Variants in SEMA3E observed in about 807,000 individuals in gnomAD.
SEMA3E encodes the protein semaphorin 3E, also known as semaphorin-3E.
A neutral mutation model predicts 93.6 loss-of-function variants in SEMA3E; 49 were observed. The ratio of observed to expected loss-of-function variants is 0.52; its 90% confidence interval spans 0.42 to 0.66. The LOEUF (loss-of-function observed/expected upper bound fraction) is 0.66. SEMA3E is among the 30% of genes least tolerant of loss of function. The probability of loss-of-function intolerance (pLI) is 0.00; values close to 1 mark genes in which losing one functional copy is unlikely to be tolerated. For synonymous variants in SEMA3E, 363 were observed against 330.7 expected, an observed-to-expected ratio of 1.10 and a Z score of -1.06; for missense variants, 906 against 964.8, an observed-to-expected ratio of 0.94 and a Z score of 0.81.
At chr7:83,405,545 G>T in intron 8 of SEMA3E, 26 bp from the exon 9 acceptor site, 1 of 1,594,434 alleles carries the variant, frequency 6.3e-7, no homozygotes. Flanking sequence ...CCATTCCATC[G>T]CTTAGTATTT....
intron 1 of SEMA3E, among the ~76,000 whole-genome samples, chr7:83,625,825 T>C (rs1422777270): frequency 1.3e-5 from 2 of 152,142 alleles, no homozygotes; most frequent in African/African-American, 2.4e-5. Flanking sequence ...CCATCCATGA[T>C]GATACTGGCT....
intron 1 of SEMA3E, among the ~76,000 whole-genome samples, chr7:83,638,778 G>C (rs1240086027): frequency 6.6e-6 from 1 of 152,038 alleles, no homozygotes; most frequent in Non-Finnish European, 1.5e-5. Context: ...GTTTCTCATA[G>C]CTGAGTCTTC....
At chr7:83,450,630 G>T (rs933427142) in intron 4 of SEMA3E, among the ~76,000 whole-genome samples, 3 of 151,668 alleles carry the variant, frequency 2.0e-5, no homozygotes, top group Non-Finnish European at 4.4e-5. Flanking sequence ...AGATTCTGGG[G>T]CACTGGTGTT....
At chr7:83,593,517 A>G (rs948071083) in intron 1 of SEMA3E, among the ~76,000 whole-genome samples, 76 of 152,144 alleles carry the variant, frequency 5.0e-4, no homozygotes, top group African/African-American at 1.8e-3. Flanking sequence ...ACAATCAAGA[A>G]TACTTAGTAC....
chr7:83,592,235 A>C lies in SEMA3E; in HGVS notation c.115+56193T>G, dbSNP rs534967652. 3.3e-5 allele frequency among the ~76,000 whole-genome samples: 5 copies of C among 152,224 alleles called. No individual in the cohort carries two copies. The South Asian group carries it at 1.0e-3, about 32-fold the overall frequency. On this transcript the variant is annotated intron_variant, in intron 1 of 16. Coordinates refer to ENST00000643230, the MANE Select transcript of SEMA3E (RefSeq NM_012431.3). ...GACATCTTTTTTTGCTGTGAGAATT[A>C]CTATTCAATATCAAACATACTTCAT...
intron 4 of SEMA3E, among the ~76,000 whole-genome samples, chr7:83,426,803 C>T (rs1788779020): frequency 6.6e-6 from 1 of 152,084 alleles, no homozygotes; most frequent in South Asian, 2.1e-4. Flanking sequence ...AATCATGCTT[C>T]TATTTTTTTC....
At chr7:83,486,909 C>T (rs991693619) in intron 2 of SEMA3E, among the ~76,000 whole-genome samples, 1 of 152,102 alleles carries the variant, frequency 6.6e-6, no homozygotes, top group Non-Finnish European at 1.5e-5. Context: ...TAAGGATTTA[C>T]CCTGGAGTAT....
At chr7:83,632,020 T>G (rs215248) in intron 1 of SEMA3E, among the ~76,000 whole-genome samples, 3,279 of 151,952 alleles carry the variant, frequency 0.022, 112 homozygotes, top group African/African-American at 0.075. Flanking sequence ...CCGGGCATGG[T>G]GGTACGTGCC....
intron 1 of SEMA3E, among the ~76,000 whole-genome samples, chr7:83,542,341 A>AAAT (rs1274503977): frequency 2.0e-5 from 3 of 152,108 alleles, no homozygotes; most frequent in African/African-American, 7.2e-5. Context: ...CTCTGTCTCA[A>AAAT]AATAATAATA....
chr7:83,463,652 C>T (rs990292646), intron 4 of SEMA3E, among the ~76,000 whole-genome samples: 181 of 152,120 alleles, frequency 1.2e-3, no homozygotes, highest in African/African-American at 3.7e-3. Context: ...TTATTGATGG[C>T]GGTTCCACCA....
At position 83,392,561 on chromosome 7, in the gene SEMA3E, G is replaced by T; in HGVS notation, c.1661C>A (p.Ala554Glu). 2.5e-6 allele frequency: 4 copies of T among 1,612,916 alleles called. No individual in the cohort carries two copies. Among genetic ancestry groups the T allele is most frequent in the Non-Finnish European group, 3.4e-6 (4 of 1,179,608 alleles). ...CSRYYPTGTH[A>E]KRRFRRQDVR... ...ATCAGGTAGCACGTCTCACCTTTTT[G>T]CATGTGTGCCTGTTGGGTAATACCG... Residue 554 changes from alanine to glutamate, a missense_variant, in exon 14 of 17, where the codon GCA becomes GAA. Ala to Glu is a moderately radical substitution (Grantham distance 107, BLOSUM62 -1). Coordinates refer to ENST00000643230, the MANE Select transcript of SEMA3E (RefSeq NM_012431.3).
At chr7:83,563,239 T>C (rs1314190367) in intron 1 of SEMA3E, among the ~76,000 whole-genome samples, 5 of 152,138 alleles carry the variant, frequency 3.3e-5, no homozygotes, top group Admixed American at 6.6e-5. Context: ...GGTGTCATGA[T>C]TATCACCTGT....
chr7:83,559,365 G>C (rs1479412321), intron 1 of SEMA3E, among the ~76,000 whole-genome samples: 1 of 152,032 alleles, frequency 6.6e-6, no homozygotes, highest in African/African-American at 2.4e-5. Flanking sequence ...AATATTCTAA[G>C]TATTATTACT....
chr7:83,547,159 A>G lies in SEMA3E; in HGVS notation c.116-56885T>C, dbSNP rs73708077. Among the ~76,000 whole-genome samples the G allele has an allele frequency of 4.9e-3, 750 of 152,256 alleles. 4 individuals are homozygous for G. Among genetic ancestry groups the G allele is most frequent in the African/African-American group, 0.017 (688 of 41,554 alleles). ...TCTTAGAATACTGATTTAACATCGT[A>G]AGTGTATTTTAATAAACATTATAAT... On this transcript the variant is annotated intron_variant, in intron 1 of 16. Transcript: ENST00000643230.
At chr7:83,432,365 G>A (rs1272473534) in intron 4 of SEMA3E, among the ~76,000 whole-genome samples, 1 of 151,690 alleles carries the variant, frequency 6.6e-6, no homozygotes, top group Non-Finnish European at 1.5e-5. Context: ...TTACTAATAA[G>A]TCAAATGAAG....
intron 1 of SEMA3E, among the ~76,000 whole-genome samples, chr7:83,518,943 A>C (rs534967917): frequency 2.6e-5 from 4 of 152,052 alleles, no homozygotes; most frequent in Admixed American, 1.3e-4. Context: ...TTTTACTTGT[A>C]TAATCATTAG....
rs1170309275 is a variant in SEMA3E at position 83,392,525 on chromosome 7, G to A, written c.1667+30C>T. 15 of 1,606,036 alleles carry A rather than the reference G, an allele frequency of 9.3e-6. No homozygotes were observed. In the East Asian group the frequency reaches 3.1e-4, roughly 34 times the overall value. ...AAGCATTAGGGTTTTCCTAAGCAAG[G>A]GAAATAGTTAATCAGGTAGCACGTC... On this transcript the variant is annotated intron_variant, in intron 14 of 16. Transcript: ENST00000643230.
intron 1 of SEMA3E, among the ~76,000 whole-genome samples, chr7:83,536,625 T>A (rs1489256926): frequency 6.6e-6 from 1 of 151,840 alleles, no homozygotes; most frequent in African/African-American, 2.4e-5. Context: ...AAAAAACACA[T>A]CACAAAAGGT....
chr7:83,464,807 C>G (rs1250367016), intron 4 of SEMA3E, among the ~76,000 whole-genome samples: 1 of 145,884 alleles, frequency 6.9e-6, no homozygotes, highest in Admixed American at 7.1e-5. Flanking sequence ...TCCCACGCCG[C>G]CCCTAATCCT....
Sources: gnomAD v4.1 joint callset for allele counts (sites outside exome capture counted in the v4.1 genomes callset) on GRCh38, gnomAD v4.1.1 for gene constraint, MANE v1.5 for transcripts, NCBI Gene and HGNC (gene_info 2026-07-23, HGNC 2026-07-21) for gene names.